CA10: variants seen among roughly 807,000 people sequenced by gnomAD.
The protein encoded by CA10 is carbonic anhydrase 10 (inactive), also known as carbonic anhydrase-related protein 10.
A neutral mutation model predicts 44.2 loss-of-function variants in CA10; 14 were observed. The ratio of observed to expected loss-of-function variants is 0.32; its 90% confidence interval spans 0.21 to 0.50. CA10 has a LOEUF of 0.50. CA10 is among the 20% of genes least tolerant of loss of function. CA10 has a pLI of 0.99. For synonymous variants in CA10, 159 were observed against 141.6 expected, an observed-to-expected ratio of 1.12 and a Z score of -0.87; for missense variants, 350 against 409.7, an observed-to-expected ratio of 0.85 and a Z score of 1.26.
intron 1 of CA10, among the ~76,000 whole-genome samples, chr17:52,142,127 G>T (rs375072133): frequency 2.0e-5 from 3 of 152,318 alleles, no homozygotes; most frequent in East Asian, 3.9e-4. Flanking sequence ...ATGAGCAAAA[G>T]CACAGGTAAG....
At chr17:52,048,045 A>C (rs916491886) in intron 2 of CA10, among the ~76,000 whole-genome samples, 2 of 150,408 alleles carry the variant, frequency 1.3e-5, no homozygotes, top group Admixed American at 6.6e-5. Context: ...CACAAAAATT[A>C]AAAAAAAAAA....
intron 3 of CA10, among the ~76,000 whole-genome samples, chr17:51,750,707 A>G (rs150981614): frequency 7.9e-4 from 120 of 152,358 alleles, no homozygotes; most frequent in African/African-American, 2.7e-3. Context: ...TTCAAATGAC[A>G]TTAAGCACAG....
intron 1 of CA10, among the ~76,000 whole-genome samples, chr17:52,134,523 G>T (rs542514083): frequency 6.6e-6 from 1 of 152,200 alleles, no homozygotes. Context: ...AGAATTGAAG[G>T]CTATTGTAAA....
At chr17:51,739,216 C>T (rs1904363771) in intron 4 of CA10, among the ~76,000 whole-genome samples, 1 of 151,940 alleles carries the variant, frequency 6.6e-6, no homozygotes, top group Admixed American at 6.6e-5. Flanking sequence ...TTTATTCCTG[C>T]AGCGTTGGAA....
At chr17:51,851,608 C>G (rs1978797659) in intron 3 of CA10, among the ~76,000 whole-genome samples, 1 of 152,050 alleles carries the variant, frequency 6.6e-6, no homozygotes, top group African/African-American at 2.4e-5. Flanking sequence ...TGTATTGAAG[C>G]AACTTATTTT....
At chr17:51,994,990 C>A (rs1358644574) in intron 2 of CA10, among the ~76,000 whole-genome samples, 1 of 151,988 alleles carries the variant, frequency 6.6e-6, no homozygotes, top group African/African-American at 2.4e-5. Context: ...TTACTACTCA[C>A]CAATTTTCCT....
intron 5 of CA10, among the ~76,000 whole-genome samples, chr17:51,653,276 C>T (rs1194297582): frequency 1.3e-5 from 2 of 152,172 alleles, no homozygotes; most frequent in African/African-American, 4.8e-5. Flanking sequence ...GAATGGTGAA[C>T]AGGACTTTAA....
intron 4 of CA10, among the ~76,000 whole-genome samples, chr17:51,717,829 G>GTATATA (rs55932655): frequency 0.067 from 525 of 7,888 alleles, 96 homozygotes; most frequent in East Asian, 0.15. Context: ...ATATGTGTGT[G>GTATATA]TATATATATA....
chr17:51,672,345 G>A (rs746018187), intron 4 of CA10, among the ~76,000 whole-genome samples: 5 of 152,188 alleles, frequency 3.3e-5, no homozygotes, highest in Non-Finnish European at 5.9e-5. Context: ...TTTTGCAAAC[G>A]AGTAACTAGC....
rs540394199 is a variant in CA10 at position 52,014,963 on chromosome 17, CAAAT to C, written c.136+57352_136+57355del. Among the ~76,000 whole-genome samples, 518 of 152,008 alleles carry C rather than the reference CAAAT, an allele frequency of 3.4e-3. 3 individuals carry two copies. The highest frequency in any genetic ancestry group is 0.012 in the African/African-American group (496 of 41,532). ...ATTTATACAATATAATCCTTAAGAT[CAAAT>C]AAATAAACTATACCTACATATATGA... On this transcript the variant is annotated intron_variant, in intron 2 of 8. Coordinates refer to ENST00000451037, the MANE Select transcript of CA10 (RefSeq NM_020178.5).
At chr17:51,686,892 T>G (rs1288505534) in intron 4 of CA10, among the ~76,000 whole-genome samples, 1 of 152,170 alleles carries the variant, frequency 6.6e-6, no homozygotes, top group Non-Finnish European at 1.5e-5. Context: ...AGTCTTCAGT[T>G]CCAACTTGAA....
chr17:51,820,407 C>T (rs757393240), intron 3 of CA10, among the ~76,000 whole-genome samples: 1 of 14,624 alleles, frequency 6.8e-5, no homozygotes, highest in Non-Finnish European at 1.7e-4. Flanking sequence ...ATTCCCCTAC[C>T]CCCCCCCCCC....
chr17:52,042,417 A>T (rs1344705921), intron 2 of CA10, among the ~76,000 whole-genome samples: 1 of 151,934 alleles, frequency 6.6e-6, no homozygotes, highest in Non-Finnish European at 1.5e-5. Context: ...TATCTAGATC[A>T]TTTGCACAAT....
At chr17:51,817,858 AC>A (rs1598060217) in intron 3 of CA10, among the ~76,000 whole-genome samples, 1 of 152,182 alleles carries the variant, frequency 6.6e-6, no homozygotes. Flanking sequence ...GAAGGAAACT[AC>A]CATATAAAGA....
intron 2 of CA10, among the ~76,000 whole-genome samples, chr17:51,945,968 C>T (rs1215822219): frequency 6.6e-6 from 1 of 152,154 alleles, no homozygotes; most frequent in Non-Finnish European, 1.5e-5. Flanking sequence ...TATGACCAAA[C>T]CATCCTAAAA....
chr17:51,871,394 ATTTTTTT>A (rs11438821), intron 3 of CA10, among the ~76,000 whole-genome samples: 2 of 81,280 alleles, frequency 2.5e-5, no homozygotes, highest in Non-Finnish European at 4.4e-5. Flanking sequence ...ACCAGGCCTA[ATTTTTTT>A]TTTTTTTTTT....
chr17:52,062,153 C>T (rs1416406127), intron 2 of CA10, among the ~76,000 whole-genome samples: 3 of 139,016 alleles, frequency 2.2e-5, no homozygotes, highest in South Asian at 2.2e-4. Context: ...CAGCAACCTT[C>T]GCCTCCCAGG....
At chr17:51,827,778 G>A (rs1040399130) in intron 3 of CA10, among the ~76,000 whole-genome samples, 5 of 152,266 alleles carry the variant, frequency 3.3e-5, no homozygotes, top group African/African-American at 1.2e-4. Context: ...TACCAAGCCT[G>A]GTTCTGTTTC....
At chr17:51,774,746 C>T (rs55722705) in intron 3 of CA10, among the ~76,000 whole-genome samples, 39,567 of 151,994 alleles carry the variant, frequency 0.26, 5,182 homozygotes, top group Middle Eastern at 0.37. Context: ...GCCCAGCCCA[C>T]TCAAGGTCAT....
Sources: gnomAD v4.1 joint callset for allele counts (sites outside exome capture counted in the v4.1 genomes callset) on GRCh38, gnomAD v4.1.1 for gene constraint, MANE v1.5 for transcripts, NCBI Gene and HGNC (gene_info 2026-07-23, HGNC 2026-07-21) for gene names.